WNT8B: variants seen among roughly 807,000 people sequenced by gnomAD.
WNT8B encodes Wnt family member 8B.
WNT8B carries 24 observed loss-of-function variants against 36.6 expected under a neutral mutation model. The observed-to-expected ratio is 0.66, with a 90% confidence interval of 0.48 to 0.92. The LOEUF (loss-of-function observed/expected upper bound fraction) is 0.92. WNT8B is among the 40% of genes least tolerant of loss of function. The pLI is 0.00. For synonymous variants in WNT8B, 199 were observed against 189.8 expected (o/e 1.05, Z -0.40); for missense variants, 402 against 470.8 (o/e 0.85, Z 1.35).
intron 2 of WNT8B, 94 bp from the exon 3 acceptor site, chr10:100,479,780 G>A: frequency 6.8e-7 from 1 of 1,476,384 alleles, no homozygotes; most frequent in Non-Finnish European, 9.2e-7. Context: ...TATTTTGGAG[G>A]GATGGGAGAG....
At chr10:100,473,477 T>C (rs1851001046) in intron 1 of WNT8B, among the ~76,000 whole-genome samples, 1 of 152,206 alleles carries the variant, frequency 6.6e-6, no homozygotes. Context: ...TCTAGTCAGT[T>C]TCCATGAGAT....
At chr10:100,463,874 G>A (rs2133647711) in intron 1 of WNT8B, among the ~76,000 whole-genome samples, 1 of 152,228 alleles carries the variant, frequency 6.6e-6, no homozygotes, top group African/African-American at 2.4e-5. Flanking sequence ...ATATGAAAGT[G>A]CTTTGTAAAT....
chr10:100,470,182 A>T (rs139434465), intron 1 of WNT8B, among the ~76,000 whole-genome samples: 1 of 152,068 alleles, frequency 6.6e-6, no homozygotes. Context: ...GCCAGGCTGG[A>T]GTGTACAATC....
chr10:100,482,483 C>T lies in WNT8B; in HGVS notation c.723C>T (p.Ile241=), dbSNP rs751382478. The change falls in exon 6 of 6, where the codon ATC becomes ATT. Residue 241 remains isoleucine, a synonymous_variant. Coordinates refer to ENST00000343737, the MANE Select transcript of WNT8B (RefSeq NM_003393.4). The surrounding 1 kb of genome is among the most constrained non-coding windows in gnomAD (Gnocchi z 6.6). ...RGAIADTFRS[I]STRELVHLED... ...CCATCGCCGACACCTTTCGCTCCATCTCTACCCGGGAGCTGGTGCACCTGG... is the reference window on the plus strand; with the variant it reads ...CCATCGCCGACACCTTTCGCTCCATTTCTACCCGGGAGCTGGTGCACCTGG... The T allele has an allele frequency of 1.2e-6, 2 of 1,603,038 alleles. No individual in the cohort carries two copies. Among genetic ancestry groups the T allele is most frequent in the Admixed American group, 1.7e-5 (1 of 59,998 alleles).
chr10:100,482,699 C>G lies in WNT8B; in HGVS notation c.939C>G (p.Phe313Leu). 2 of 1,610,588 alleles carry G rather than the reference C, an allele frequency of 1.2e-6. No individual in the cohort carries two copies. The highest frequency in any genetic ancestry group is 1.7e-6 in the Non-Finnish European group (2 of 1,179,280). The change falls in exon 6 of 6, where the codon TTC becomes TTG. Residue 313 changes from phenylalanine (F) to leucine (L), a missense_variant. Coordinates refer to ENST00000343737, the MANE Select transcript of WNT8B (RefSeq NM_003393.4). The surrounding 1 kb of genome is among the most constrained non-coding windows in gnomAD (Gnocchi z 6.6). ...CCGTGTCCAGCTGCAACTGCAAGTT[C>G]CACTGGTGCTGCGCAGTCCGCTGCG... ...AETVSSCNCK[F>L]HWCCAVRCEQ...
At chr10:100,464,558 T>C (rs922800304) in intron 1 of WNT8B, among the ~76,000 whole-genome samples, 1 of 152,146 alleles carries the variant, frequency 6.6e-6, no homozygotes, top group Non-Finnish European at 1.5e-5. Context: ...ACCTTTACTG[T>C]GTGTTCCCTT....
chr10:100,463,165 G>A lies in WNT8B; in HGVS notation c.-4G>A. Reference sequence around the variant, plus strand: ...ATTTTCTCTAGCTGTTACTCCAGAGGATTATGTTTCTTTCAAAGCCTTCTG... The same window carrying A: ...ATTTTCTCTAGCTGTTACTCCAGAGAATTATGTTTCTTTCAAAGCCTTCTG... On this transcript the variant is annotated 5_prime_UTR_variant, in exon 1 of 6. Coordinates refer to ENST00000343737, the MANE Select transcript of WNT8B (RefSeq NM_003393.4). 2 of 1,613,658 alleles carry A rather than the reference G, an allele frequency of 1.2e-6. No homozygotes were observed. The highest frequency in any genetic ancestry group is 1.7e-6 in the Non-Finnish European group (2 of 1,179,814).
At chr10:100,475,350 C>T (rs937160100) in intron 1 of WNT8B, among the ~76,000 whole-genome samples, 8 of 152,054 alleles carry the variant, frequency 5.3e-5, no homozygotes, top group Admixed American at 2.0e-4. Context: ...GACTCTGTCT[C>T]CAAAAACAAA....
chr10:100,481,265 A>G, intron 4 of WNT8B, 142 bp downstream of exon 4: 1 of 1,217,772 alleles, frequency 8.2e-7, no homozygotes, highest in Non-Finnish European at 1.1e-6. Flanking sequence ...TTTGATCCCA[A>G]GCCCTACAAT....
At position 100,482,463 on chromosome 10, in the gene WNT8B, G is replaced by A. The variant is rs764092254; in HGVS notation, c.703G>A (p.Ala235Thr). The A allele has an allele frequency of 6.2e-7, 1 of 1,604,272 alleles. No individual in the cohort carries two copies. The highest frequency in any genetic ancestry group is 8.5e-7 in the Non-Finnish European group (1 of 1,179,836). The change falls in exon 6 of 6, where the codon GCC (alanine) becomes ACC (threonine). Residue 235 changes from alanine (A) to threonine (T), a missense_variant. Transcript: ENST00000343737. The surrounding 1 kb of genome is among the most constrained non-coding windows in gnomAD (Gnocchi z 6.6). ...GNSAAGRGAI[A>T]DTFRSISTRE... Reference sequence around the variant, plus strand: ...CAGCGCGGCCGGCCGCGGCGCCATCGCCGACACCTTTCGCTCCATCTCTAC... The same window carrying A: ...CAGCGCGGCCGGCCGCGGCGCCATCACCGACACCTTTCGCTCCATCTCTAC...
chr10:100,473,460 CTG>C (rs1564643746), intron 1 of WNT8B, among the ~76,000 whole-genome samples: 1 of 152,176 alleles, frequency 6.6e-6, no homozygotes, highest in African/African-American at 2.4e-5. Context: ...TCCCTGGAAA[CTG>C]TGAATCTAGT....
intron 1 of WNT8B, among the ~76,000 whole-genome samples, chr10:100,476,805 G>A (rs879796326): frequency 1.3e-5 from 2 of 152,116 alleles, no homozygotes; most frequent in African/African-American, 2.4e-5. Context: ...GGGAAGAAAC[G>A]TACAGGGAAG....
At position 100,482,513 on chromosome 10, in the gene WNT8B, C is replaced by T. The variant is rs573317816; in HGVS notation, c.753C>T (p.Asp251=). The T allele has an allele frequency of 3.7e-6, 6 of 1,600,828 alleles. No homozygotes were observed. In the Admixed American group the frequency reaches 6.7e-5, roughly 18 times the overall value. The change falls in exon 6 of 6, where the codon GAC becomes GAT. Residue 251 remains aspartate, a synonymous_variant. Coordinates refer to ENST00000343737, the MANE Select transcript of WNT8B (RefSeq NM_003393.4). The surrounding 1 kb of genome is among the most constrained non-coding windows in gnomAD (Gnocchi z 6.6). ...CCCGGGAGCTGGTGCACCTGGAGGA[C>T]TCCCCGGACTACTGCCTGGAGAACA... ...ISTRELVHLE[D]SPDYCLENKT...
intron 1 of WNT8B, among the ~76,000 whole-genome samples, chr10:100,472,738 G>A (rs1589723864): frequency 6.6e-6 from 1 of 152,108 alleles, no homozygotes. Flanking sequence ...TATGTAAATC[G>A]CTTACCACTT....
chr10:100,482,977 T>C lies in WNT8B; in HGVS notation c.*161T>C. 1 of 796,904 alleles carries C rather than the reference T, an allele frequency of 1.3e-6. No homozygotes were observed. Among genetic ancestry groups the C allele is most frequent in the Non-Finnish European group, 1.9e-6 (1 of 533,272 alleles). 49.4% of individuals were successfully genotyped at this position (796,904 alleles called of 1,614,324 possible). A position where few individuals can be genotyped will look rare whatever the true frequency, so the allele number is the denominator to read the frequency against. Reference sequence around the variant, plus strand: ...CAAAGCTTGCCACTTTCCAGCCTGTTTCCCCAATTCCTCTGTGCTCTCCTA... The same window carrying C: ...CAAAGCTTGCCACTTTCCAGCCTGTCTCCCCAATTCCTCTGTGCTCTCCTA... On this transcript the variant is annotated 3_prime_UTR_variant, in exon 6 of 6. Transcript: ENST00000343737. The surrounding 1 kb of genome is among the most constrained non-coding windows in gnomAD (Gnocchi z 6.6).
intron 1 of WNT8B, among the ~76,000 whole-genome samples, chr10:100,471,868 A>G (rs1350065786): frequency 1.3e-5 from 2 of 152,134 alleles, no homozygotes; most frequent in Non-Finnish European, 2.9e-5. Flanking sequence ...CAGTCCTGGC[A>G]ACACAACGAG....
intron 3 of WNT8B, among the ~76,000 whole-genome samples, chr10:100,480,684 G>T (rs184231670): frequency 4.7e-4 from 72 of 152,214 alleles, no homozygotes; most frequent in African/African-American, 1.4e-3. Context: ...CAGGGATGGG[G>T]CAGACCATGC....
intron 1 of WNT8B, among the ~76,000 whole-genome samples, chr10:100,476,522 A>T (rs1851039798): frequency 6.6e-6 from 1 of 152,108 alleles, no homozygotes; most frequent in Non-Finnish European, 1.5e-5. Flanking sequence ...TTCTTGGTCT[A>T]TTTCATTTCC....
At chr10:100,468,503 G>C (rs1195375029) in intron 1 of WNT8B, among the ~76,000 whole-genome samples, 1 of 152,214 alleles carries the variant, frequency 6.6e-6, no homozygotes, top group Non-Finnish European at 1.5e-5. Flanking sequence ...GGTGGCTTGA[G>C]CTGTTCCTTA....
Sources: gnomAD v4.1 joint callset for allele counts (sites outside exome capture counted in the v4.1 genomes callset) on GRCh38, gnomAD v4.1.1 for gene constraint, Gnocchi (gnomAD v3.1) non-coding constraint, MANE v1.5 for transcripts, NCBI Gene and HGNC (gene_info 2026-07-23, HGNC 2026-07-21) for gene names.